WDR17: variants seen among roughly 807,000 people sequenced by gnomAD.
WDR17 encodes WD repeat domain 17.
A neutral mutation model predicts 161.7 loss-of-function variants in WDR17; 143 were observed. The observed-to-expected ratio is 0.88, with a 90% confidence interval of 0.77 to 1.02. WDR17 has a LOEUF of 1.02. WDR17 is among the 50% of genes least tolerant of loss of function. The pLI is 0.00. For missense variants in WDR17, 1,469 were observed against 1,520.9 expected, an observed-to-expected ratio of 0.97 and a Z score of 0.57; for synonymous variants, 517 against 515.6, an observed-to-expected ratio of 1.00 and a Z score of -0.04.
intron 1 of WDR17, among the ~76,000 whole-genome samples, chr4:176,078,382 A>G (rs1237103635): frequency 6.6e-6 from 1 of 152,162 alleles, no homozygotes; most frequent in Non-Finnish European, 1.5e-5. Flanking sequence ...GGACTGAAGC[A>G]GAGGAGAGGA....
At position 176,150,094 on chromosome 4, in the gene WDR17, G is replaced by A. The variant is rs768177361; in HGVS notation, c.2099G>A (p.Arg700Lys). The change falls in exon 15 of 29, where the codon AGA becomes AAA. Residue 700 changes from arginine (R) to lysine (K), a missense_variant. Transcript: ENST00000508596. The stretch of plus-strand genomic sequence containing the variant: ...CCTCTACTGTGTGGTAAAGTGTCAA[G>A]AGATATTAGACAGGAAATAGAAAAA... ...TPPLLCGKVS[R>K]DIRQEIEKLT... The A allele has an allele frequency of 2.2e-4, 362 of 1,613,884 alleles. 4 individuals carry two copies. The Admixed American group carries it at 6.0e-3, about 27-fold the overall frequency.
intron 11 of WDR17, among the ~76,000 whole-genome samples, chr4:176,142,965 C>T (rs755665783): frequency 6.6e-6 from 1 of 152,152 alleles, no homozygotes; most frequent in Non-Finnish European, 1.5e-5. Flanking sequence ...CGGCAACCTC[C>T]GCCTCCCGGG....
chr4:176,126,022 C>G (rs1742392503), intron 5 of WDR17, among the ~76,000 whole-genome samples: 1 of 152,164 alleles, frequency 6.6e-6, no homozygotes, highest in South Asian at 2.1e-4. Context: ...GCCACTCTCA[C>G]AATAAATAAC....
intron 18 of WDR17, among the ~76,000 whole-genome samples, chr4:176,158,859 G>T (rs1748564275): frequency 6.6e-6 from 1 of 152,140 alleles, no homozygotes; most frequent in Non-Finnish European, 1.5e-5. Flanking sequence ...ATGCTTTATA[G>T]ATCCAGCCAT....
intron 11 of WDR17, among the ~76,000 whole-genome samples, chr4:176,143,499 TAAA>T (rs10646644): frequency 1.2e-4 from 17 of 137,158 alleles, no homozygotes; most frequent in African/African-American, 4.0e-4. Context: ...CTTCGTCTCT[TAAA>T]AAAAAAAAAA....
chr4:176,145,979 A>T lies in WDR17; in HGVS notation c.1530-16A>T, dbSNP rs1029916913. On this transcript the variant is annotated splice_polypyrimidine_tract_variant and intron_variant, in intron 11 of 28. Transcript: ENST00000508596. ...CATATTTATCCTATGTCAATATTCCATTGATGATATTTCAGAGACATGATA... is the reference window on the plus strand; with the variant it reads ...CATATTTATCCTATGTCAATATTCCTTTGATGATATTTCAGAGACATGATA... 1 of 1,607,480 alleles carries T rather than the reference A, an allele frequency of 6.2e-7. No individual in the cohort carries two copies. The highest frequency in any genetic ancestry group is 1.7e-5 in the Admixed American group (1 of 59,952).
At chr4:176,168,177 A>G (rs1167505271) in intron 22 of WDR17, among the ~76,000 whole-genome samples, 8 of 152,122 alleles carry the variant, frequency 5.3e-5, no homozygotes. Flanking sequence ...GAAATAAGAA[A>G]ACTATCTTTA....
In WDR17 at chr4:176,152,647, G is replaced by A. The variant is rs115202468; in HGVS notation, c.2460+680G>A. On this transcript the variant is annotated intron_variant, in intron 17 of 28. Transcript: ENST00000508596. ...AGGGAAAGAAATGTAAATACCCTGC[G>A]TGCTGGCTCACACTTTCACACCTGT... Among the ~76,000 whole-genome samples the A allele has an allele frequency of 9.1e-3, 1,319 of 145,452 alleles. 19 individuals carry two copies. The highest frequency in any genetic ancestry group is 0.031 in the African/African-American group (1,238 of 39,564).
At chr4:176,103,838 G>A (rs888028150) in intron 1 of WDR17, among the ~76,000 whole-genome samples, 1 of 151,802 alleles carries the variant, frequency 6.6e-6, no homozygotes, top group Admixed American at 6.6e-5. Context: ...AGAGATGGAA[G>A]AGAAGAGAGA....
Position 176,163,208 on chromosome 4 carries a change from G to C in WDR17, c.2905G>C (p.Gly969Arg), listed in dbSNP as rs759069160. ...GNELELAVCV[G>R]TVLGESAAPA... Reference sequence around the variant, plus strand: ...TGAACTGGAGTTGGCAGTCTGTGTGGGCACAGTACTAGGAGAGTCTGCAGC... The same window carrying C: ...TGAACTGGAGTTGGCAGTCTGTGTGCGCACAGTACTAGGAGAGTCTGCAGC... Residue 969 changes from glycine (G) to arginine (R), a missense_variant, in exon 22 of 29, where the codon GGC (glycine) becomes CGC (arginine). Transcript: ENST00000508596. The C allele has an allele frequency of 8.1e-6, 13 of 1,613,874 alleles. No individual in the cohort carries two copies. The Admixed American group carries it at 1.5e-4, about 19-fold the overall frequency.
intron 1 of WDR17, among the ~76,000 whole-genome samples, chr4:176,085,048 C>T (rs1735255252): frequency 6.6e-6 from 1 of 151,740 alleles, no homozygotes; most frequent in Non-Finnish European, 1.5e-5. Context: ...TATAAAACCT[C>T]AGTCTTTTGC....
At position 176,160,141 on chromosome 4, in the gene WDR17, C is replaced by T. The variant is rs1235988115; in HGVS notation, c.2658+15C>T. ...TTGTTGCACAGGTAAAACCACAGAA[C>T]TACCCCAGTCACATACATGAATGCT... On this transcript the variant is annotated intron_variant, in intron 19 of 28. Coordinates refer to ENST00000508596, the MANE Select transcript of WDR17 (RefSeq NM_181265.4). The T allele has an allele frequency of 5.6e-6, 9 of 1,611,976 alleles. No individual in the cohort carries two copies. In the East Asian group the frequency reaches 1.6e-4, roughly 28 times the overall value.
intron 1 of WDR17, among the ~76,000 whole-genome samples, chr4:176,075,577 A>T (rs923524767): frequency 6.6e-6 from 1 of 152,172 alleles, no homozygotes; most frequent in Non-Finnish European, 1.5e-5. Flanking sequence ...TTCATTTTTA[A>T]AAAGACTGTA....
At position 176,139,922 on chromosome 4, in the gene WDR17, T is replaced by C. The variant is rs1395615950; in HGVS notation, c.1390T>C (p.Trp464Arg). The part of the protein sequence containing the change: ...HGTNGIFCIA[W>R]SHKDSKRIAT... ...AACAAATGGAATATTCTGCATTGCC[T>C]GGAGTCATAAAGATTCTAAAAGAAT... Residue 464 changes from tryptophan (W) to arginine (R), a missense_variant, in exon 10 of 29, where the codon TGG (tryptophan) becomes CGG (arginine). Physicochemically the swap from Trp to Arg is moderately radical, Grantham distance 101. Transcript: ENST00000508596. 13 of 1,612,004 alleles carry C rather than the reference T, an allele frequency of 8.1e-6. No individual in the cohort carries two copies. Among genetic ancestry groups the C allele is most frequent in the Non-Finnish European group, 1.1e-5 (13 of 1,178,722 alleles).
In WDR17 at chr4:176,116,469, G is replaced by A. The variant is rs377680085; in HGVS notation, c.307+490G>A. On this transcript the variant is annotated intron_variant, in intron 3 of 28. Coordinates refer to ENST00000508596, the MANE Select transcript of WDR17 (RefSeq NM_181265.4). ...TTGGACTTTATGAATTGGAATAATA[G>A]CATTATACTCTTTCTACTTAGAATT... Among the ~76,000 whole-genome samples the A allele has an allele frequency of 8.3e-5, 12 of 145,292 alleles. No homozygotes were observed. The South Asian group carries it at 9.0e-4, about 11-fold the overall frequency.
At chr4:176,076,360 G>A (rs1313834231) in intron 1 of WDR17, among the ~76,000 whole-genome samples, 10 of 53,984 alleles carry the variant, frequency 1.9e-4, no homozygotes, top group Admixed American at 9.8e-4. Flanking sequence ...CTTTTGATCT[G>A]CCTATTTAGA....
intron 5 of WDR17, among the ~76,000 whole-genome samples, chr4:176,127,941 T>C (rs1189037384): frequency 6.6e-6 from 1 of 152,212 alleles, no homozygotes; most frequent in Non-Finnish European, 1.5e-5. Context: ...TCACTTAACA[T>C]AGAGTTTTCA....
At chr4:176,146,260 G>A in intron 12 of WDR17, 101 bp downstream of exon 12, 1 of 1,200,394 alleles carries the variant, frequency 8.3e-7, no homozygotes, top group Non-Finnish European at 1.1e-6. Flanking sequence ...TATATACAGA[G>A]TCTCCCTCTG....
chr4:176,111,854 G>A (rs990753005), intron 2 of WDR17, 151 bp downstream of exon 2: 6 of 742,052 alleles, frequency 8.1e-6, no homozygotes, highest in Non-Finnish European at 5.5e-6. Context: ...ATACCGTATA[G>A]GTTTTAAAAG....
Sources: gnomAD v4.1 joint callset for allele counts (sites outside exome capture counted in the v4.1 genomes callset) on GRCh38, gnomAD v4.1.1 for gene constraint, MANE v1.5 for transcripts, NCBI Gene and HGNC (gene_info 2026-07-23, HGNC 2026-07-21) for gene names.